RBM33: variants seen among roughly 807,000 people sequenced by gnomAD.
RBM33 encodes RNA binding motif protein 33, also known as RNA-binding protein 33.
A neutral mutation model predicts 132.6 loss-of-function variants in RBM33; 28 were observed. The ratio of observed to expected loss-of-function variants is 0.21; its 90% CI spans 0.16 to 0.29. RBM33 has a LOEUF of 0.29. Ranked by LOEUF, RBM33 falls within the 10% of genes least tolerant of loss-of-function variation. The pLI, the probability that RBM33 is intolerant of heterozygous loss-of-function variation, is 1.00. For missense variants in RBM33, 1,291 were observed against 1,518.5 expected, an observed-to-expected ratio of 0.85 and a Z score of 2.49; for synonymous variants, 634 against 593.0, an observed-to-expected ratio of 1.07 and a Z score of -1.01.
chr7:155,704,997 T>C (rs902141336), intron 6 of RBM33, among the ~76,000 whole-genome samples: 2 of 152,230 alleles, frequency 1.3e-5, no homozygotes, highest in Non-Finnish European at 2.9e-5. Context: ...TTATTTTTAT[T>C]TTGCCAAACA....
In RBM33 at chr7:155,738,166, T is replaced by G. The variant is rs1447028169; in HGVS notation, c.1500T>G (p.Thr500=). ...TTAACAGTAGCCATCCTGTTCCTACTCAGAGTCCTCTACCATTCACTCAGC... is the reference window on the plus strand; with the variant it reads ...TTAACAGTAGCCATCCTGTTCCTACGCAGAGTCCTCTACCATTCACTCAGC... The part of the protein sequence containing the change: ...TLLNSSHPVP[T]QSPLPFTQPG... The change falls in exon 11 of 18, where the codon ACT becomes ACG. Residue 500 remains threonine, a synonymous_variant. Coordinates refer to ENST00000401878, the MANE Select transcript of RBM33 (RefSeq NM_053043.3). 4 of 1,613,982 alleles carry G rather than the reference T, an allele frequency of 2.5e-6. No individual in the cohort carries two copies. The highest frequency in any genetic ancestry group is 3.4e-6 in the Non-Finnish European group (4 of 1,179,882).
rs1437979173 is a variant in RBM33, at chr7:155,777,696, T to C, written c.*2655T>C. On this transcript the variant is annotated 3_prime_UTR_variant, in exon 18 of 18. Coordinates refer to ENST00000401878, the MANE Select transcript of RBM33 (RefSeq NM_053043.3). ...TTTAAAATTAAAATACTATTGGAAG[T>C]GCTTTCAACTCAGCCACATCTTAGC... 6.6e-6 allele frequency: 1 copy of C among 152,650 alleles called. No homozygotes were observed. Among genetic ancestry groups the C allele is most frequent in the Non-Finnish European group, 1.5e-5 (1 of 68,048 alleles). The allele number at this position is 152,650 out of a possible 1,614,324, so 9.5% of individuals were successfully genotyped here. A position where few individuals can be genotyped will look rare whatever the true frequency, so the allele number is the denominator to read the frequency against.
intron 1 of RBM33, among the ~76,000 whole-genome samples, chr7:155,645,694 T>G (rs1207601542): frequency 6.6e-6 from 1 of 152,234 alleles, no homozygotes; most frequent in Non-Finnish European, 1.5e-5. Flanking sequence ...GAGAGATACT[T>G]GAAAGTGACT....
At chr7:155,722,249 A>G (rs1268229188) in intron 9 of RBM33, among the ~76,000 whole-genome samples, 1 of 152,184 alleles carries the variant, frequency 6.6e-6, no homozygotes, top group Non-Finnish European at 1.5e-5. Flanking sequence ...TGACCCTGTT[A>G]CATTTGGGCA....
At chr7:155,761,973 TG>T in intron 14 of RBM33, among the ~76,000 whole-genome samples, 1 of 152,250 alleles carries the variant, frequency 6.6e-6, no homozygotes, top group East Asian at 1.9e-4. Context: ...AAATATTTTT[TG>T]TTCAGTGTTT....
chr7:155,673,768 GCACACACACACA>G (rs369116329), intron 3 of RBM33, among the ~76,000 whole-genome samples: 74 of 132,980 alleles, frequency 5.6e-4, no homozygotes, highest in South Asian at 9.3e-4. Flanking sequence ...GCGCATGCGC[GCACACACACACA>G]CACACACACA....
At position 155,775,179 on chromosome 7, in the gene RBM33, A is replaced by G; in HGVS notation, c.*138A>G. ...CTGCGTAACTGTTCTCCAGAGCGCC[A>G]GCCAGCCACGGGCCTGATTCCAGAG... On this transcript the variant is annotated 3_prime_UTR_variant, in exon 18 of 18. Coordinates refer to ENST00000401878, the MANE Select transcript of RBM33 (RefSeq NM_053043.3). 2.5e-6 allele frequency: 2 copies of G among 793,072 alleles called. No homozygotes were observed. The highest frequency in any genetic ancestry group is 4.4e-6 in the Non-Finnish European group (2 of 453,238). The allele number at this position is 793,072 out of a possible 1,614,324, so 49.1% of individuals were successfully genotyped here. A position where few individuals can be genotyped will look rare whatever the true frequency, so the allele number is the denominator to read the frequency against.
Position 155,735,390 on chromosome 7 carries a change from G to A in RBM33, c.1261-2140G>A, listed in dbSNP as rs74887784. 7.4e-3 allele frequency among the ~76,000 whole-genome samples: 1,130 copies of A among 152,250 alleles called. 11 individuals are homozygous for A. Among genetic ancestry groups the A allele is most frequent in the African/African-American group, 0.025 (1,058 of 41,552 alleles). Reference sequence around the variant, plus strand: ...AAGTAATTTTTCTAGCATATTATTAGCAAAGTAAAGATATTAAATATTCAA... The same window carrying A: ...AAGTAATTTTTCTAGCATATTATTAACAAAGTAAAGATATTAAATATTCAA... On this transcript the variant is annotated intron_variant, in intron 9 of 17. Coordinates refer to ENST00000401878, the MANE Select transcript of RBM33 (RefSeq NM_053043.3).
At chr7:155,750,464 G>T (rs1403985277) in intron 14 of RBM33, among the ~76,000 whole-genome samples, 1 of 152,202 alleles carries the variant, frequency 6.6e-6, no homozygotes, top group Non-Finnish European at 1.5e-5. Context: ...GCCTTAGGCG[G>T]TCAGTTTCTG....
intron 14 of RBM33, among the ~76,000 whole-genome samples, chr7:155,750,004 A>AT (rs1364135345): frequency 2.0e-5 from 3 of 152,104 alleles, no homozygotes; most frequent in African/African-American, 7.2e-5. Flanking sequence ...GTGAATTTCC[A>AT]TTTTTTTCCC....
intron 11 of RBM33, chr7:155,739,475 A>G: frequency 1.9e-6 from 1 of 527,522 alleles, no homozygotes; most frequent in Non-Finnish European, 3.4e-6. Flanking sequence ...CTGCATACCT[A>G]GTTTTCCTTA....
chr7:155,663,552 C>A (rs1469683876), intron 1 of RBM33, among the ~76,000 whole-genome samples: 1 of 152,164 alleles, frequency 6.6e-6, no homozygotes. Flanking sequence ...CCAAGCCATG[C>A]CGGATCTGCC....
At chr7:155,760,567 T>C (rs542898776) in intron 14 of RBM33, among the ~76,000 whole-genome samples, 2 of 152,354 alleles carry the variant, frequency 1.3e-5, no homozygotes, top group African/African-American at 4.8e-5. Context: ...AGTGAATTTA[T>C]GAATCTCATA....
chr7:155,694,459 GATA>G (rs1799736505), intron 5 of RBM33, among the ~76,000 whole-genome samples: 1 of 152,190 alleles, frequency 6.6e-6, no homozygotes, highest in African/African-American at 2.4e-5. Flanking sequence ...GTGAAATGGT[GATA>G]ATGTTTACAC....
chr7:155,737,353 CTGTGTGTGTGTGTGTGTGTGTGTG>C (rs59512454), intron 9 of RBM33, among the ~76,000 whole-genome samples, 153 bp from the exon 10 acceptor site: 9 of 142,842 alleles, frequency 6.3e-5, no homozygotes, highest in Non-Finnish European at 4.6e-5. Context: ...ATGCATGACT[CTGTGTGTGTGTGTGTGTGTGTGTG>C]TGTGTGTGTA....
chr7:155,691,776 C>T (rs1411182518), intron 5 of RBM33, among the ~76,000 whole-genome samples: 2 of 152,138 alleles, frequency 1.3e-5, no homozygotes, highest in African/African-American at 4.8e-5. Flanking sequence ...GGTGACCTGG[C>T]TGGGTGCTGT....
At position 155,739,882 on chromosome 7, in the gene RBM33, C is replaced by A; in HGVS notation, c.1905C>A (p.His635Gln). 1.4e-6 allele frequency: 2 copies of A among 1,456,940 alleles called. No homozygotes were observed. The highest frequency in any genetic ancestry group is 1.9e-6 in the Non-Finnish European group (2 of 1,076,378). The allele number at this position is 1,456,940 out of a possible 1,614,324, so 90.3% of individuals were successfully genotyped here. A position where few individuals can be genotyped will look rare whatever the true frequency, so the allele number is the denominator to read the frequency against. ...HPPQHPPQHQHHHHHHHLSVP... is the reference protein window; with the variant it reads ...HPPQHPPQHQQHHHHHHLSVP... ...CACAGCACCCGCCGCAGCACCAGCACCACCACCACCACCACCACCTGTCCG... is the reference window on the plus strand; with the variant it reads ...CACAGCACCCGCCGCAGCACCAGCAACACCACCACCACCACCACCTGTCCG... The change falls in exon 12 of 18, where the codon CAC (histidine) becomes CAA (glutamine). Residue 635 changes from histidine to glutamine, a missense_variant. By Grantham distance (24) the His-to-Gln change is conservative. Around this residue, in one of 7 missense-constraint regions of RBM33, gnomAD observed 841 missense variants for 912.0 expected, o/e 0.92. Coordinates refer to ENST00000401878, the MANE Select transcript of RBM33 (RefSeq NM_053043.3).
chr7:155,717,598 C>T (rs1487356051), intron 8 of RBM33, among the ~76,000 whole-genome samples: 1 of 152,024 alleles, frequency 6.6e-6, no homozygotes, highest in Non-Finnish European at 1.5e-5. Flanking sequence ...TGAGAGCTTC[C>T]TAGGTGTATC....
intron 16 of RBM33, among the ~76,000 whole-genome samples, chr7:155,773,929 C>T (rs1802522113): frequency 6.6e-6 from 1 of 152,236 alleles, no homozygotes; most frequent in African/African-American, 2.4e-5. Context: ...ATTTCTTTTT[C>T]ACTGGCATTG....
Sources: gnomAD v4.1 joint callset for allele counts (sites outside exome capture counted in the v4.1 genomes callset) on GRCh38, gnomAD v4.1.1 for gene constraint, gnomAD v4.1.1 regional missense constraint, MANE v1.5 for transcripts, NCBI Gene and HGNC (gene_info 2026-07-23, HGNC 2026-07-21) for gene names.